TMEM183A: variants seen among roughly 807,000 people sequenced by gnomAD.
TMEM183A encodes transmembrane protein 183A, also known as chromosome 1 open reading frame 37.
TMEM183A carries 21 observed loss-of-function variants against 46.7 expected under a neutral mutation model. That is an observed-to-expected ratio of 0.45 (90% CI 0.32 to 0.65). The LOEUF (loss-of-function observed/expected upper bound fraction) is 0.65. TMEM183A is among the 30% of genes least tolerant of loss of function. The pLI, the probability that TMEM183A is intolerant of heterozygous loss-of-function variation, is 0.04. For synonymous variants in TMEM183A, 165 were observed against 180.2 expected (o/e 0.92, Z 0.68); for missense variants, 331 against 481.9 (o/e 0.69, Z 2.93).
At chr1:203,016,206 T>A (rs750067739) in intron 5 of TMEM183A, 66 bp downstream of exon 5, 29 of 1,606,982 alleles carry the variant, frequency 1.8e-5, no homozygotes, top group Admixed American at 5.0e-5. Flanking sequence ...TTATCATGGC[T>A]TGTCTCCAGC....
intron 4 of TMEM183A, 25 bp from the exon 5 acceptor site, chr1:203,015,935 G>A: frequency 6.2e-7 from 1 of 1,608,128 alleles, no homozygotes; most frequent in Non-Finnish European, 8.5e-7. Context: ...TCACATATTG[G>A]TAGGAGTAAT....
intron 7 of TMEM183A, among the ~76,000 whole-genome samples, chr1:203,022,185 C>T (rs1425303597): frequency 6.6e-6 from 1 of 152,100 alleles, no homozygotes; most frequent in Non-Finnish European, 1.5e-5. Context: ...TCTCCTGCCT[C>T]CGCTTCCCAA....
chr1:203,016,248 C>A (rs1295674816), intron 5 of TMEM183A, 108 bp downstream of exon 5: 4 of 1,490,596 alleles, frequency 2.7e-6, no homozygotes, highest in Non-Finnish European at 3.7e-6. Flanking sequence ...AGGTCCCAGG[C>A]TGCTAGGGGA....
At chr1:203,012,825 G>A (rs1461771848) in intron 3 of TMEM183A, among the ~76,000 whole-genome samples, 1 of 152,176 alleles carries the variant, frequency 6.6e-6, no homozygotes, top group African/African-American at 2.4e-5. Context: ...GACATCCTGG[G>A]CTTGATTGAT....
intron 3 of TMEM183A, among the ~76,000 whole-genome samples, chr1:203,011,007 A>G (rs577426977): frequency 6.6e-6 from 1 of 152,316 alleles, no homozygotes; most frequent in South Asian, 2.1e-4. Flanking sequence ...AGGTTCATCC[A>G]TACTATGCAT....
At chr1:203,012,148 T>TCACACACACACACACACA (rs767000280) in intron 3 of TMEM183A, among the ~76,000 whole-genome samples, 15 of 79,466 alleles carry the variant, frequency 1.9e-4, no homozygotes, top group South Asian at 9.8e-4. Context: ...CCCCACTCCA[T>TCACACACACACACACACA]CACACACACA....
At chr1:203,021,055 G>A (rs542584188) in intron 7 of TMEM183A, 107 bp downstream of exon 7, 7 of 1,171,230 alleles carry the variant, frequency 6.0e-6, no homozygotes, top group African/African-American at 3.7e-5. Context: ...TTTAAGAGAC[G>A]TGGTCTCACT....
intron 7 of TMEM183A, 137 bp from the exon 8 acceptor site, chr1:203,022,718 A>AAAGG: frequency 2.0e-6 from 2 of 1,017,876 alleles, no homozygotes; most frequent in Non-Finnish European, 2.9e-6. Flanking sequence ...AAAAAAAAAA[A>AAAGG]GGTGTTTGTT....
Position 203,014,205 on chromosome 1 carries a change from G to C in TMEM183A, c.368-684G>C, listed in dbSNP as rs568719275. On this transcript the variant is annotated intron_variant, in intron 3 of 7. Coordinates refer to ENST00000367242, the MANE Select transcript of TMEM183A (RefSeq NM_138391.6). ...CTATTTCCCTTGACTGAGTGGCAAG[G>C]TTTTGTTTTCTTATTAGTAAAATGG... is the stretch of plus-strand genomic sequence containing the variant. Among the ~76,000 whole-genome samples, 6 of 152,338 alleles carry C rather than the reference G, an allele frequency of 3.9e-5. No individual in the cohort carries two copies. The South Asian group carries it at 1.2e-3, about 32-fold the overall frequency.
At chr1:203,010,088 T>G (rs1656408048) in intron 3 of TMEM183A, among the ~76,000 whole-genome samples, 1 of 151,328 alleles carries the variant, frequency 6.6e-6, no homozygotes, top group Non-Finnish European at 1.5e-5. Flanking sequence ...GAGCCGAGAT[T>G]GCATTGCACC....
At position 203,023,762 on chromosome 1, in the gene TMEM183A, C is replaced by T. The variant is rs887776074; in HGVS notation, c.*722C>T. On this transcript the variant is annotated 3_prime_UTR_variant, in exon 8 of 8. Coordinates refer to ENST00000367242, the MANE Select transcript of TMEM183A (RefSeq NM_138391.6). ...TATTCCCATTTTATAGTTGAGAAAACGGAATTAGTGACTGTACCTATAACA... is the reference window on the plus strand; with the variant it reads ...TATTCCCATTTTATAGTTGAGAAAATGGAATTAGTGACTGTACCTATAACA... 5.9e-5 allele frequency: 9 copies of T among 152,230 alleles called. No homozygotes were observed. Among genetic ancestry groups the T allele is most frequent in the Non-Finnish European group, 1.2e-4 (8 of 68,022 alleles). 9.4% of individuals were successfully genotyped at this position (152,230 alleles called of 1,614,324 possible). A position where few individuals can be genotyped will look rare whatever the true frequency, so the allele number is the denominator to read the frequency against.
chr1:203,021,667 C>G (rs1273108131), intron 7 of TMEM183A, among the ~76,000 whole-genome samples: 1 of 152,160 alleles, frequency 6.6e-6, no homozygotes, highest in Non-Finnish European at 1.5e-5. Context: ...TACAGGGTGA[C>G]CAGCTCAGCT....
rs1333672162 is a variant in TMEM183A, at chr1:203,024,368, C to G, written c.*1328C>G. On this transcript the variant is annotated 3_prime_UTR_variant, in exon 8 of 8. Coordinates refer to ENST00000367242, the MANE Select transcript of TMEM183A (RefSeq NM_138391.6). ...TGCTTGTCTCTCCTCCCACCCTCCA[C>G]CATCCAAAATTAACCAGTGAGCTGG... The G allele has an allele frequency of 1.3e-5, 2 of 152,208 alleles. No homozygotes were observed. Among genetic ancestry groups the G allele is most frequent in the African/African-American group, 4.8e-5 (2 of 41,446 alleles). The allele number at this position is 152,208 out of a possible 1,614,324, so 9.4% of individuals were successfully genotyped here. A position where few individuals can be genotyped will look rare whatever the true frequency, so the allele number is the denominator to read the frequency against.
chr1:203,015,062 G>A lies in TMEM183A; in HGVS notation c.527+14G>A. 1 of 1,603,606 alleles carries A rather than the reference G, an allele frequency of 6.2e-7. No individual in the cohort carries two copies. The highest frequency in any genetic ancestry group is 2.2e-5 in the East Asian group (1 of 44,868). ...GTTGTACCGAAGGTGCGACCACAGAGAGCTCACTCTTTTATCTGTGTGGCT... is the reference window on the plus strand; with the variant it reads ...GTTGTACCGAAGGTGCGACCACAGAAAGCTCACTCTTTTATCTGTGTGGCT... On this transcript the variant is annotated intron_variant, in intron 4 of 7. Coordinates refer to ENST00000367242, the MANE Select transcript of TMEM183A (RefSeq NM_138391.6).
chr1:203,012,129 A>C, intron 3 of TMEM183A, among the ~76,000 whole-genome samples: 1 of 126,330 alleles, frequency 7.9e-6, no homozygotes, highest in African/African-American at 2.9e-5. Flanking sequence ...TTTTACTTCA[A>C]CCATTACCCC....
At chr1:203,017,126 T>C (rs566246879) in intron 5 of TMEM183A, among the ~76,000 whole-genome samples, 1 of 152,266 alleles carries the variant, frequency 6.6e-6, no homozygotes, top group East Asian at 1.9e-4. Flanking sequence ...TTGGCTGAGC[T>C]CAATTTAATA....
intron 6 of TMEM183A, among the ~76,000 whole-genome samples, chr1:203,019,709 G>A (rs1657486699): frequency 6.6e-6 from 1 of 152,068 alleles, no homozygotes; most frequent in Non-Finnish European, 1.5e-5. Context: ...AAGAGACAGA[G>A]AAGACAAATT....
intron 3 of TMEM183A, among the ~76,000 whole-genome samples, chr1:203,010,699 A>G (rs994465682): frequency 6.6e-6 from 1 of 152,204 alleles, no homozygotes; most frequent in Non-Finnish European, 1.5e-5. Flanking sequence ...CTTTGACTTA[A>G]AACAAAAAAT....
chr1:203,007,702 A>G, intron 1 of TMEM183A, 72 bp from the exon 2 acceptor site: 1 of 1,594,838 alleles, frequency 6.3e-7, no homozygotes, highest in Non-Finnish European at 8.6e-7. Context: ...GCCTGCAGCG[A>G]GGAGGAGGTG....
Sources: gnomAD v4.1 joint callset for allele counts (sites outside exome capture counted in the v4.1 genomes callset) on GRCh38, gnomAD v4.1.1 for gene constraint, MANE v1.5 for transcripts, NCBI Gene and HGNC (gene_info 2026-07-23, HGNC 2026-07-21) for gene names.